The following TNNI1 variants were observed in gnomAD, a reference collection of about 807,000 sequenced individuals.
TNNI1 encodes the protein troponin I, slow skeletal muscle.
A neutral mutation model predicts 26.7 loss-of-function variants in TNNI1; 14 were observed. The ratio of observed to expected loss-of-function variants is 0.52; its 90% CI spans 0.35 to 0.82. The LOEUF is 0.82. Among genes scored for constraint, TNNI1 ranks in the 40% least tolerant of loss-of-function variants. The pLI is 0.01. For synonymous variants in TNNI1, 79 were observed against 98.2 expected, an observed-to-expected ratio of 0.80 and a Z score of 1.16; for missense variants, 164 against 257.0, an observed-to-expected ratio of 0.64 and a Z score of 2.47.
Position 201,406,136 on chromosome 1 carries a change from G to A in TNNI1, c.*3117C>T, listed in dbSNP as rs758684507. 4 of 152,250 alleles carry A rather than the reference G, an allele frequency of 2.6e-5. No individual in the cohort carries two copies. Among genetic ancestry groups the A allele is most frequent in the Admixed American group, 6.5e-5 (1 of 15,282 alleles). The allele number at this position is 152,250 out of a possible 1,614,324, so 9.4% of individuals were successfully genotyped here. A position where few individuals can be genotyped will look rare whatever the true frequency, so the allele number is the denominator to read the frequency against. ...CTCTGTTAAGGCCAGTCTGATCTCA[G>A]AAAAGGGCAACCCCAAGGCAGAGTG... On this transcript the variant is annotated 3_prime_UTR_variant, in exon 9 of 9. Transcript: ENST00000361379.
chr1:201,409,963 G>A (rs75617086), intron 8 of TNNI1: 3,201 of 180,468 alleles, frequency 0.018, 51 homozygotes, highest in South Asian at 0.056. Flanking sequence ...CACCTAGAAG[G>A]CTGGCCTCAC....
intron 7 of TNNI1, among the ~76,000 whole-genome samples, chr1:201,410,656 A>G (rs1323750993): frequency 1.3e-5 from 2 of 152,196 alleles, no homozygotes; most frequent in Non-Finnish European, 2.9e-5. Context: ...CACTGGGTGA[A>G]AGTGGCAGCT....
chr1:201,420,676 G>A (rs1001298673), intron 1 of TNNI1, among the ~76,000 whole-genome samples: 1 of 152,172 alleles, frequency 6.6e-6, no homozygotes, highest in Admixed American at 6.5e-5. Context: ...TTAGGCTCAT[G>A]TGCTTCCCCC....
In TNNI1 at chr1:201,419,142, CA is replaced by C. The variant is rs3835600; in HGVS notation, c.-19-1331del. Among the ~76,000 whole-genome samples, 68 of 152,266 alleles carry C rather than the reference CA, an allele frequency of 4.5e-4. 1 individual carries two copies. In the East Asian group the frequency reaches 0.012, roughly 26 times the overall value. ...CGAACTTAAAAAAAAGTCAAACAAA[CA>C]AAAAGAGCCAAATGGCACTGGTTGA... On this transcript the variant is annotated intron_variant, in intron 1 of 8. Coordinates refer to ENST00000361379, the MANE Select transcript of TNNI1 (RefSeq NM_003281.4).
rs1279138889 is a variant in TNNI1 at position 201,408,843 on chromosome 1, ACAGT to A, written c.*406_*409del. 8.5e-5 allele frequency: 13 copies of A among 152,324 alleles called. No homozygotes were observed. Among genetic ancestry groups the A allele is most frequent in the African/African-American group, 3.1e-4 (13 of 41,460 alleles). 9.4% of individuals were successfully genotyped at this position (152,324 alleles called of 1,614,324 possible). ...AGTCTTCCCTTTCTTCTCAGGGCTCACAGTCAGAGCTGCAGAAATGACCAGGAAA... is the reference window on the plus strand; with the variant it reads ...AGTCTTCCCTTTCTTCTCAGGGCTCACAGAGCTGCAGAAATGACCAGGAAA... On this transcript the variant is annotated 3_prime_UTR_variant, in exon 9 of 9. Coordinates refer to ENST00000361379, the MANE Select transcript of TNNI1 (RefSeq NM_003281.4).
rs996606993 is a variant in TNNI1, at chr1:201,415,962, C to T, written c.16-708G>A. Among the ~76,000 whole-genome samples the T allele has an allele frequency of 5.9e-5, 9 of 152,214 alleles. No individual in the cohort carries two copies. In the South Asian group the frequency reaches 8.3e-4, roughly 14 times the overall value. ...CAACTAATGAGACTGTGATGCCTTT[C>T]GAGCACTAGAGTATCTTCTGGGCCA... On this transcript the variant is annotated intron_variant, in intron 3 of 8. Coordinates refer to ENST00000361379, the MANE Select transcript of TNNI1 (RefSeq NM_003281.4).
chr1:201,412,610 A>G (rs1208287046), intron 6 of TNNI1, among the ~76,000 whole-genome samples: 2 of 152,188 alleles, frequency 1.3e-5, no homozygotes, highest in Admixed American at 6.5e-5. Flanking sequence ...GCAACCTAGG[A>G]CAAGTCTTTG....
At chr1:201,417,234 G>A in intron 2 of TNNI1, 115 bp from the exon 3 acceptor site, 1 of 1,406,400 alleles carries the variant, frequency 7.1e-7, no homozygotes, top group Middle Eastern at 1.8e-4. Context: ...GGGGAGGAGG[G>A]GGCCAGTGAC....
At position 201,410,228 on chromosome 1, in the gene TNNI1, T is replaced by G; in HGVS notation, c.*2+98A>C. 5 of 1,041,016 alleles carry G rather than the reference T, an allele frequency of 4.8e-6. No individual in the cohort carries two copies. The Admixed American group carries it at 7.8e-5, about 16-fold the overall frequency. 64.5% of individuals were successfully genotyped at this position (1,041,016 alleles called of 1,614,324 possible). ...ATCGGTGCCTTAGTCCGTGCATCCGTGCACCACACTAAGTACAACCCGCCT... is the reference window on the plus strand; with the variant it reads ...ATCGGTGCCTTAGTCCGTGCATCCGGGCACCACACTAAGTACAACCCGCCT... On this transcript the variant is annotated intron_variant, in intron 8 of 8. Transcript: ENST00000361379.
At chr1:201,415,513 C>T (rs1356716033) in intron 3 of TNNI1, among the ~76,000 whole-genome samples, 1 of 152,184 alleles carries the variant, frequency 6.6e-6, no homozygotes, top group Non-Finnish European at 1.5e-5. Context: ...TTGTAAGATA[C>T]TATGAGGGCC....
intron 7 of TNNI1, 100 bp from the exon 8 acceptor site, chr1:201,410,535 A>T: frequency 9.7e-7 from 1 of 1,027,330 alleles, no homozygotes; most frequent in Non-Finnish European, 1.5e-6. Context: ...TCGGATGATA[A>T]GAAATCCTGA....
In TNNI1 at chr1:201,406,526, A is replaced by G. The variant is rs1407640795; in HGVS notation, c.*2727T>C. On this transcript the variant is annotated 3_prime_UTR_variant, in exon 9 of 9. Coordinates refer to ENST00000361379, the MANE Select transcript of TNNI1 (RefSeq NM_003281.4). ...TTCTCCTAGGGTTGTTGTGAAAGTTAAATAAATTAAGGTGTACATGCTGGT... is the reference window on the plus strand; with the variant it reads ...TTCTCCTAGGGTTGTTGTGAAAGTTGAATAAATTAAGGTGTACATGCTGGT... The G allele has an allele frequency of 6.6e-6, 1 of 152,322 alleles. No individual in the cohort carries two copies. Among genetic ancestry groups the G allele is most frequent in the East Asian group, 1.9e-4 (1 of 5,178 alleles). The allele number at this position is 152,322 out of a possible 1,614,324, so 9.4% of individuals were successfully genotyped here.
intron 1 of TNNI1, among the ~76,000 whole-genome samples, chr1:201,418,761 C>T (rs1245706417): frequency 6.6e-6 from 1 of 152,218 alleles, no homozygotes; most frequent in Non-Finnish European, 1.5e-5. Flanking sequence ...TCACCCTAGT[C>T]TGTCTTTCCC....
chr1:201,412,438 G>T (rs930772245), intron 6 of TNNI1, among the ~76,000 whole-genome samples: 1 of 152,152 alleles, frequency 6.6e-6, no homozygotes, highest in Non-Finnish European at 1.5e-5. Flanking sequence ...CCTCCTCACT[G>T]CCTGGACAAA....
chr1:201,404,012 T>C lies in TNNI1; in HGVS notation c.*5241A>G, dbSNP rs56223634. On this transcript the variant is annotated 3_prime_UTR_variant, in exon 9 of 9. Transcript: ENST00000361379. ...ACTTTACGATTCTTTATACGTACAT[T>C]AAAAACGTATGCGTGTCCTGGTTAC... The C allele has an allele frequency of 6.6e-5, 10 of 152,172 alleles. No homozygotes were observed. The allele number at this position is 152,172 out of a possible 1,614,324, so 9.4% of individuals were successfully genotyped here. A position where few individuals can be genotyped will look rare whatever the true frequency, so the allele number is the denominator to read the frequency against.
Position 201,406,325 on chromosome 1 carries a change from C to T in TNNI1, c.*2928G>A, listed in dbSNP as rs1278836817. On this transcript the variant is annotated 3_prime_UTR_variant, in exon 9 of 9. Transcript: ENST00000361379. Reference sequence around the variant, plus strand: ...AACTCAGATAAAGCATTTAACATCACATATTACTATTATTGAAATGCTGTT... The same window carrying T: ...AACTCAGATAAAGCATTTAACATCATATATTACTATTATTGAAATGCTGTT... 2 of 152,210 alleles carry T rather than the reference C, an allele frequency of 1.3e-5. No individual in the cohort carries two copies. Among genetic ancestry groups the T allele is most frequent in the Non-Finnish European group, 2.9e-5 (2 of 68,034 alleles). The allele number at this position is 152,210 out of a possible 1,614,324, so 9.4% of individuals were successfully genotyped here.
At chr1:201,415,630 G>T (rs1327660995) in intron 3 of TNNI1, among the ~76,000 whole-genome samples, 1 of 152,102 alleles carries the variant, frequency 6.6e-6, no homozygotes, top group Non-Finnish European at 1.5e-5. Context: ...GATCATGGAT[G>T]TGCAAATCCT....
intron 2 of TNNI1, among the ~76,000 whole-genome samples, 167 bp from the exon 3 acceptor site, chr1:201,417,286 C>A (rs187923698): frequency 2.0e-5 from 3 of 152,050 alleles, no homozygotes; most frequent in African/African-American, 4.8e-5. Flanking sequence ...GCAAGGGGAG[C>A]GGTTTGAGGT....
chr1:201,412,761 A>T (rs1397432829), intron 6 of TNNI1, among the ~76,000 whole-genome samples: 1 of 152,188 alleles, frequency 6.6e-6, no homozygotes, highest in Admixed American at 6.5e-5. Context: ...CAGGCATATG[A>T]TTATTTGTGT....
Sources: gnomAD v4.1 joint callset for allele counts (sites outside exome capture counted in the v4.1 genomes callset) on GRCh38, gnomAD v4.1.1 for gene constraint, MANE v1.5 for transcripts, NCBI Gene and HGNC (gene_info 2026-07-23, HGNC 2026-07-21) for gene names.